The following FBXL7 variants were observed in gnomAD, a reference collection of about 807,000 sequenced individuals.
FBXL7 encodes the protein F-box/LRR-repeat protein 7.
Under a neutral mutation model 38.3 loss-of-function variants are expected in FBXL7, and 12 were observed. The observed-to-expected ratio is 0.31, with a 90% CI of 0.20 to 0.51. The LOEUF (loss-of-function observed/expected upper bound fraction) is 0.51. FBXL7 is among the 20% of genes least tolerant of loss of function. FBXL7 has a pLI of 0.98. For synonymous variants in FBXL7, 297 were observed against 300.9 expected (o/e 0.99, Z 0.13); for missense variants, 567 against 676.4 (o/e 0.84, Z 1.79).
At chr5:15,770,864 GT>G (rs1445086267) in intron 2 of FBXL7, among the ~76,000 whole-genome samples, 5 of 152,118 alleles carry the variant, frequency 3.3e-5, no homozygotes, top group Non-Finnish European at 5.9e-5. Context: ...CACAGCCTCT[GT>G]TTGATTATTT....
rs1194119734 is a variant in FBXL7, at chr5:15,912,346, G to A, written c.128-15544G>A. Among the ~76,000 whole-genome samples, 33 of 134,604 alleles carry A rather than the reference G, an allele frequency of 2.5e-4. No homozygotes were observed. In the East Asian group the frequency reaches 6.7e-3, roughly 27 times the overall value. The allele number at this position is 134,604 out of a possible 152,430, so 88.3% of individuals were successfully genotyped here. On this transcript the variant is annotated intron_variant, in intron 2 of 3. Coordinates refer to ENST00000504595, the MANE Select transcript of FBXL7 (RefSeq NM_012304.5). Reference sequence around the variant, plus strand: ...GAAAGGGAACTCCCTGACCCCTTGCGCTTCCCAGGTGAGGCAATGCCTCGC... The same window carrying A: ...GAAAGGGAACTCCCTGACCCCTTGCACTTCCCAGGTGAGGCAATGCCTCGC...
At chr5:15,555,506 C>T (rs1738202435) in intron 1 of FBXL7, among the ~76,000 whole-genome samples, 1 of 152,176 alleles carries the variant, frequency 6.6e-6, no homozygotes. Context: ...GCAGTGGCAG[C>T]ACAGTTGTTG....
chr5:15,873,301 G>A (rs962195212), intron 2 of FBXL7, among the ~76,000 whole-genome samples: 2 of 152,114 alleles, frequency 1.3e-5, no homozygotes, highest in South Asian at 4.1e-4. Flanking sequence ...ATGCCCCCAG[G>A]AGAAAGCGGG....
At chr5:15,741,452 C>T (rs566616715) in intron 2 of FBXL7, among the ~76,000 whole-genome samples, 1 of 152,064 alleles carries the variant, frequency 6.6e-6, no homozygotes, top group South Asian at 2.1e-4. Flanking sequence ...TTTTTTTTAC[C>T]AAAAGTTGTG....
chr5:15,701,837 A>G (rs1196754948), intron 2 of FBXL7, among the ~76,000 whole-genome samples: 1 of 152,202 alleles, frequency 6.6e-6, no homozygotes, highest in Non-Finnish European at 1.5e-5. Flanking sequence ...AAATATTTAC[A>G]AAGTATTACA....
rs966832791 is a variant in FBXL7, at chr5:15,500,576, G to C, written c.-101G>C. On this transcript the variant is annotated 5_prime_UTR_variant, in exon 1 of 4. Coordinates refer to ENST00000504595, the MANE Select transcript of FBXL7 (RefSeq NM_012304.5). ...CCCCGGAGCTTGGGGGGGATGTGCA[G>C]CTAACGGTCCCGTCGGGCGGGCTTT... is the stretch of plus-strand genomic sequence containing the variant. The C allele has an allele frequency of 4.6e-6, 7 of 1,538,224 alleles. No individual in the cohort carries two copies. In the African/African-American group the frequency reaches 9.5e-5, roughly 21 times the overall value.
chr5:15,893,843 G>T (rs1450660925), intron 2 of FBXL7, among the ~76,000 whole-genome samples: 1 of 152,162 alleles, frequency 6.6e-6, no homozygotes, highest in Non-Finnish European at 1.5e-5. Flanking sequence ...ACAAACTCAG[G>T]TTCAATGCAT....
intron 1 of FBXL7, among the ~76,000 whole-genome samples, chr5:15,579,842 G>A (rs2126465375): frequency 6.6e-6 from 1 of 152,208 alleles, no homozygotes; most frequent in East Asian, 1.9e-4. Context: ...TTCTGCATGG[G>A]CTACTTGGGC....
chr5:15,515,375 T>C (rs1464886018), intron 1 of FBXL7, among the ~76,000 whole-genome samples: 2 of 152,224 alleles, frequency 1.3e-5, no homozygotes, highest in Non-Finnish European at 2.9e-5. Context: ...GCTGCTGCCA[T>C]TGGTGCTGTT....
chr5:15,561,481 G>T (rs1314956236), intron 1 of FBXL7, among the ~76,000 whole-genome samples: 3 of 152,108 alleles, frequency 2.0e-5, no homozygotes, highest in African/African-American at 7.2e-5. Context: ...TATTTAGGTT[G>T]TTTCCATATC....
At chr5:15,635,824 AG>A (rs1296433573) in intron 2 of FBXL7, among the ~76,000 whole-genome samples, 1 of 151,972 alleles carries the variant, frequency 6.6e-6, no homozygotes, top group Non-Finnish European at 1.5e-5. Flanking sequence ...ATGGGCAGTG[AG>A]GGCACCTGCC....
intron 2 of FBXL7, among the ~76,000 whole-genome samples, chr5:15,848,381 A>G (rs1738985054): frequency 6.6e-6 from 1 of 151,682 alleles, no homozygotes; most frequent in African/African-American, 2.4e-5. Context: ...GCATGCATGC[A>G]TTTTGTTTTT....
At chr5:15,885,511 A>G (rs1032963267) in intron 2 of FBXL7, among the ~76,000 whole-genome samples, 1 of 152,224 alleles carries the variant, frequency 6.6e-6, no homozygotes, top group Non-Finnish European at 1.5e-5. Context: ...GTCAGGGAGC[A>G]CCTACCACAA....
intron 2 of FBXL7, among the ~76,000 whole-genome samples, chr5:15,637,242 G>T (rs1741216727): frequency 6.6e-6 from 1 of 152,202 alleles, no homozygotes; most frequent in South Asian, 2.1e-4. Flanking sequence ...TGGAGCCAGT[G>T]TGAAAGTTTC....
intron 2 of FBXL7, among the ~76,000 whole-genome samples, chr5:15,668,769 G>A (rs1377979410): frequency 6.6e-6 from 1 of 152,174 alleles, no homozygotes; most frequent in Non-Finnish European, 1.5e-5. Context: ...TCTGCTAGGT[G>A]CAGCAGAACT....
chr5:15,581,758 G>A (rs569686121), intron 1 of FBXL7, among the ~76,000 whole-genome samples: 12 of 151,932 alleles, frequency 7.9e-5, no homozygotes, highest in African/African-American at 1.7e-4. Context: ...ATGTGCTTGC[G>A]CAAGCATTAG....
In FBXL7 at chr5:15,763,371, C is replaced by T. The variant is rs567178276; in HGVS notation, c.127+147299C>T. ...GATAAAGTCAGCTATTGTTACTTAA[C>T]AATTTACATAAATAAGTGTGTTAGA... is the stretch of plus-strand genomic sequence containing the variant. On this transcript the variant is annotated intron_variant, in intron 2 of 3. Transcript: ENST00000504595. 9.2e-5 allele frequency among the ~76,000 whole-genome samples: 14 copies of T among 152,290 alleles called. No homozygotes were observed. In the South Asian group the frequency reaches 2.7e-3, roughly 29 times the overall value.
intron 1 of FBXL7, among the ~76,000 whole-genome samples, chr5:15,529,486 C>T (rs866578879): frequency 4.0e-4 from 61 of 151,856 alleles, no homozygotes; most frequent in South Asian, 4.1e-4. Flanking sequence ...CCTGGGTTCA[C>T]GGCATTCTCC....
intron 2 of FBXL7, among the ~76,000 whole-genome samples, chr5:15,634,344 CAG>C (rs1179683771): frequency 2.9e-5 from 3 of 102,322 alleles, no homozygotes; most frequent in Non-Finnish European, 4.2e-5. Context: ...TTTTAAAAGA[CAG>C]AGTCTCGTTC....
Sources: gnomAD v4.1 joint callset for allele counts (sites outside exome capture counted in the v4.1 genomes callset) on GRCh38, gnomAD v4.1.1 for gene constraint, MANE v1.5 for transcripts, NCBI Gene and HGNC (gene_info 2026-07-23, HGNC 2026-07-21) for gene names.